Variants in MYOCD observed in about 807,000 individuals in gnomAD.
MYOCD encodes myocardin.
In MYOCD, 32 loss-of-function variants were observed where a neutral mutation model predicts 96.1. That is an observed-to-expected ratio of 0.33 (90% CI 0.25 to 0.45). MYOCD has a LOEUF of 0.45. MYOCD is among the 20% of genes least tolerant of loss of function. The pLI is 1.00. For missense variants in MYOCD, 1,133 were observed against 1,200.6 expected, an observed-to-expected ratio of 0.94 and a Z score of 0.83; for synonymous variants, 469 against 469.0, an observed-to-expected ratio of 1.00 and a Z score of 0.00.
chr17:12,755,089 A>G (rs1049032474), intron 10 of MYOCD, among the ~76,000 whole-genome samples: 2 of 152,236 alleles, frequency 1.3e-5, no homozygotes, highest in Non-Finnish European at 2.9e-5. Flanking sequence ...AATGATGTCT[A>G]CTACCCCTGA....
At position 12,741,199 on chromosome 17, in the gene MYOCD, A is replaced by T. The variant is rs1445623028; in HGVS notation, c.717+1871A>T. Among the ~76,000 whole-genome samples the T allele has an allele frequency of 9.2e-5, 14 of 152,330 alleles. No individual in the cohort carries two copies. In the East Asian group the frequency reaches 2.7e-3, roughly 29 times the overall value. On this transcript the variant is annotated intron_variant, in intron 7 of 13. Coordinates refer to ENST00000425538, the MANE Select transcript of MYOCD (RefSeq NM_001146312.3). ...AGTTTTATGGTCTAATGGATGATAG[A>T]CACTTCAGTTTGCCAATAAGGCTCC...
intron 5 of MYOCD, among the ~76,000 whole-genome samples, chr17:12,726,656 A>G (rs752055262): frequency 1.9e-4 from 29 of 152,108 alleles, no homozygotes; most frequent in Non-Finnish European, 3.7e-4. Flanking sequence ...GTCTGCCACA[A>G]TATTCATAAA....
Position 12,765,916 on chromosome 17 carries a change from G to C in MYOCD, c.*2272G>C, listed in dbSNP as rs984709517. On this transcript the variant is annotated 3_prime_UTR_variant, in exon 14 of 14. Transcript: ENST00000425538. ...ATTTTACATTCCTTTTATCTGTATTGTGCTTTAAAAGATCCACATGGTAAA... is the reference window on the plus strand; with the variant it reads ...ATTTTACATTCCTTTTATCTGTATTCTGCTTTAAAAGATCCACATGGTAAA... 6.6e-6 allele frequency: 1 copy of C among 152,152 alleles called. No homozygotes were observed. Among genetic ancestry groups the C allele is most frequent in the African/African-American group, 2.4e-5 (1 of 41,434 alleles). 9.4% of individuals were successfully genotyped at this position (152,152 alleles called of 1,614,324 possible).
chr17:12,725,602 T>A (rs149261671), intron 5 of MYOCD, among the ~76,000 whole-genome samples: 2,906 of 149,324 alleles, frequency 0.019, 127 homozygotes, highest in Admixed American at 0.11. Context: ...TATTGATATA[T>A]TACATAGTGG....
intron 1 of MYOCD, among the ~76,000 whole-genome samples, chr17:12,697,359 ATTT>A (rs71144918): frequency 0.014 from 1,039 of 75,520 alleles, 4 homozygotes; most frequent in East Asian, 0.068. Flanking sequence ...ATATATATAT[ATTT>A]TTTTTTTTTT....
chr17:12,754,728 A>G (rs966436565), intron 10 of MYOCD, among the ~76,000 whole-genome samples: 5 of 152,232 alleles, frequency 3.3e-5, no homozygotes, highest in Admixed American at 6.5e-5. Flanking sequence ...GAGAAAGGTT[A>G]CATTATCAAA....
At chr17:12,724,475 G>A (rs146903510) in intron 5 of MYOCD, among the ~76,000 whole-genome samples, 1 of 152,104 alleles carries the variant, frequency 6.6e-6, no homozygotes, top group African/African-American at 2.4e-5. Flanking sequence ...ATCTGTCACA[G>A]GTATCTCACA....
chr17:12,721,976 T>C (rs1567586578), intron 4 of MYOCD, among the ~76,000 whole-genome samples: 1 of 152,184 alleles, frequency 6.6e-6, no homozygotes, highest in Non-Finnish European at 1.5e-5. Flanking sequence ...AGACTTCTTC[T>C]GTATGGAGAG....
chr17:12,749,574 A>G lies in MYOCD; in HGVS notation c.1126-2840A>G, dbSNP rs1174075007. ...TATGTATATACATATGTATATGTAT[A>G]TATACAAAACCTATATATATGTGTG... On this transcript the variant is annotated intron_variant, in intron 9 of 13. Coordinates refer to ENST00000425538, the MANE Select transcript of MYOCD (RefSeq NM_001146312.3). Among the ~76,000 whole-genome samples, 4 of 148,508 alleles carry G rather than the reference A, an allele frequency of 2.7e-5. No individual in the cohort carries two copies. The South Asian group carries it at 6.3e-4, about 23-fold the overall frequency.
At position 12,767,088 on chromosome 17, in the gene MYOCD, G is replaced by A. The variant is rs2033360637; in HGVS notation, c.*3444G>A. 1 of 150,626 alleles carries A rather than the reference G, an allele frequency of 6.6e-6. No individual in the cohort carries two copies. Among genetic ancestry groups the A allele is most frequent in the Non-Finnish European group, 1.5e-5 (1 of 67,642 alleles). 9.3% of individuals were successfully genotyped at this position (150,626 alleles called of 1,614,324 possible). On this transcript the variant is annotated 3_prime_UTR_variant, in exon 14 of 14. Transcript: ENST00000425538. ...GAAGAGAGGAAAGAAAGGAGGGAAG[G>A]AAAAAAGGGCCAAACTTTCTGATCT... is the stretch of plus-strand genomic sequence containing the variant.
intron 1 of MYOCD, among the ~76,000 whole-genome samples, chr17:12,682,574 G>A (rs370552392): frequency 3.3e-5 from 5 of 152,286 alleles, no homozygotes; most frequent in East Asian, 1.9e-4. Flanking sequence ...TGCCCTTTTC[G>A]CGGAGAGAGT....
At chr17:12,734,501 A>G (rs965873362) in intron 5 of MYOCD, among the ~76,000 whole-genome samples, 29 of 76,548 alleles carry the variant, frequency 3.8e-4, no homozygotes, top group African/African-American at 9.6e-4. Context: ...AATACACATG[A>G]TCCTTTTTTT....
chr17:12,736,663 G>A (rs975072376), intron 6 of MYOCD, among the ~76,000 whole-genome samples: 2 of 152,056 alleles, frequency 1.3e-5, no homozygotes, highest in African/African-American at 4.8e-5. Context: ...TGGATGACTC[G>A]CCAACAATCT....
At chr17:12,714,323 G>GCGCA (rs5819379) in intron 2 of MYOCD, among the ~76,000 whole-genome samples, 9 of 136,052 alleles carry the variant, frequency 6.6e-5, no homozygotes, top group African/African-American at 2.5e-4. Flanking sequence ...TGAGGCACGT[G>GCGCA]CACACACACA....
At chr17:12,722,799 C>T in intron 4 of MYOCD, 48 bp from the exon 5 acceptor site, 1 of 1,504,752 alleles carries the variant, frequency 6.6e-7, no homozygotes, top group Non-Finnish European at 9.1e-7. Flanking sequence ...AAGAGAGAGA[C>T]AGAGACATCA....
At chr17:12,714,511 G>GA (rs137943301) in intron 2 of MYOCD, among the ~76,000 whole-genome samples, 5,076 of 151,646 alleles carry the variant, frequency 0.033, 258 homozygotes, top group African/African-American at 0.11. Flanking sequence ...CAATTCAGGG[G>GA]AAAAAAAATC....
rs773343656 is a variant in MYOCD at position 12,763,184 on chromosome 17, A to G, written c.2501A>G (p.Glu834Gly). The change falls in exon 14 of 14, where the codon GAA becomes GGA. Residue 834 changes from glutamate to glycine, a missense_variant. Transcript: ENST00000425538. ...AVLTKPSASF[E>G]QASSGSQIPF... The stretch of plus-strand genomic sequence containing the variant: ...CTCACCAAGCCCTCGGCTTCCTTTG[A>G]ACAAGCCTCTTCAGGCAGCCAGATC... The G allele has an allele frequency of 6.2e-7, 1 of 1,614,152 alleles. No individual in the cohort carries two copies. The highest frequency in any genetic ancestry group is 2.2e-5 in the East Asian group (1 of 44,870).
intron 2 of MYOCD, among the ~76,000 whole-genome samples, chr17:12,712,467 C>T (rs1484168567): frequency 1.3e-5 from 2 of 152,168 alleles, no homozygotes; most frequent in African/African-American, 2.4e-5. Flanking sequence ...TCAATGAGTT[C>T]TCTGTGGTTC....
chr17:12,746,133 C>T (rs1192600460), intron 9 of MYOCD, 61 bp downstream of exon 9: 7 of 1,537,922 alleles, frequency 4.6e-6, no homozygotes, highest in Non-Finnish European at 6.3e-6. Flanking sequence ...ATGTTGTTAA[C>T]ATCACCAGGA....
Sources: gnomAD v4.1 joint callset for allele counts (sites outside exome capture counted in the v4.1 genomes callset) on GRCh38, gnomAD v4.1.1 for gene constraint, MANE v1.5 for transcripts, NCBI Gene and HGNC (gene_info 2026-07-23, HGNC 2026-07-21) for gene names.